Variants in TBC1D2 observed in about 807,000 individuals in gnomAD.
TBC1D2 encodes TBC1 domain family member 2A.
Under a neutral mutation model 91.1 loss-of-function variants are expected in TBC1D2, and 58 were observed. The ratio of observed to expected loss-of-function variants is 0.64; its 90% CI spans 0.52 to 0.79. The LOEUF is 0.79. Among genes scored for constraint, TBC1D2 ranks in the 30% least tolerant of loss-of-function variants. The probability of loss-of-function intolerance (pLI) is 0.00; values close to 1 mark genes in which losing one functional copy is unlikely to be tolerated. For missense variants in TBC1D2, 1,080 were observed against 1,208.3 expected, an observed-to-expected ratio of 0.89 and a Z score of 1.57; for synonymous variants, 482 against 511.5, an observed-to-expected ratio of 0.94 and a Z score of 0.78.
intron 3 of TBC1D2, 87 bp downstream of exon 3, chr9:98,243,907 C>T: frequency 6.6e-7 from 1 of 1,524,200 alleles, no homozygotes; most frequent in Non-Finnish European, 8.9e-7. Flanking sequence ...CGGGGCCCAT[C>T]TCCCTGCAGG....
At chr9:98,244,765 C>T (rs1193164195) in intron 2 of TBC1D2, among the ~76,000 whole-genome samples, 2 of 151,044 alleles carry the variant, frequency 1.3e-5, no homozygotes, top group South Asian at 2.1e-4. Flanking sequence ...CCAAGAGGTT[C>T]GTTCCTTCTA....
At chr9:98,233,660 C>T in intron 3 of TBC1D2, 111 bp from the exon 4 acceptor site, 16 of 1,495,030 alleles carry the variant, frequency 1.1e-5, no homozygotes, top group Non-Finnish European at 1.4e-5. Context: ...ACCCTGTCAT[C>T]CTGACTGGTC....
chr9:98,227,137 C>A (rs180989143), intron 5 of TBC1D2, among the ~76,000 whole-genome samples: 8 of 152,224 alleles, frequency 5.3e-5, no homozygotes, highest in African/African-American at 1.9e-4. Flanking sequence ...CTCTCAGGAG[C>A]GTCCAGCAGC....
chr9:98,253,155 G>A (rs1563993171), intron 1 of TBC1D2, among the ~76,000 whole-genome samples: 6 of 152,134 alleles, frequency 3.9e-5, no homozygotes, highest in Admixed American at 3.3e-4. Flanking sequence ...ACTGAATACA[G>A]GGGTGAGCCA....
intron 8 of TBC1D2, among the ~76,000 whole-genome samples, chr9:98,209,597 C>T (rs1457954934): frequency 2.6e-5 from 4 of 152,142 alleles, no homozygotes; most frequent in African/African-American, 7.2e-5. Flanking sequence ...GCTGGGGACC[C>T]GTTCCAGAAG....
intron 4 of TBC1D2, among the ~76,000 whole-genome samples, chr9:98,231,854 T>G (rs920274740): frequency 7.9e-5 from 12 of 152,180 alleles, no homozygotes; most frequent in African/African-American, 1.7e-4. Flanking sequence ...CAGATGAAAC[T>G]TGAAAAGATT....
At chr9:98,242,200 G>A (rs1829654801) in intron 3 of TBC1D2, among the ~76,000 whole-genome samples, 1 of 152,026 alleles carries the variant, frequency 6.6e-6, no homozygotes, top group Non-Finnish European at 1.5e-5. Flanking sequence ...CCAGCACTTT[G>A]GGAGGCCGAG....
rs763373775 is a variant in TBC1D2, at chr9:98,255,581, G to C, written c.-40C>G. ...GACTGCGGAGGGACGAGGGGTCCGC[G>C]GGACCACCAGGGACAAATCTCGGAG... On this transcript the variant is annotated 5_prime_UTR_variant, in exon 1 of 13. Coordinates refer to ENST00000465784, the MANE Select transcript of TBC1D2 (RefSeq NM_001267571.2). The C allele has an allele frequency of 2.7e-6, 4 of 1,455,778 alleles. No individual in the cohort carries two copies. Among genetic ancestry groups the C allele is most frequent in the Non-Finnish European group, 3.6e-6 (4 of 1,108,164 alleles). 90.2% of individuals were successfully genotyped at this position (1,455,778 alleles called of 1,614,324 possible).
intron 9 of TBC1D2, 65 bp downstream of exon 9, chr9:98,208,603 T>C (rs1358087726): frequency 1.4e-6 from 2 of 1,475,684 alleles, no homozygotes; most frequent in East Asian, 2.3e-5. Flanking sequence ...GTCCACAGTC[T>C]GAGGGTTGGG....
intron 9 of TBC1D2, among the ~76,000 whole-genome samples, chr9:98,207,110 C>T (rs565145149): frequency 9.2e-5 from 14 of 152,256 alleles, no homozygotes; most frequent in African/African-American, 2.2e-4. Context: ...AAGGAGGCTT[C>T]GACTGAGAGG....
At chr9:98,203,499 G>A in intron 9 of TBC1D2, 91 bp from the exon 10 acceptor site, 2 of 1,553,424 alleles carry the variant, frequency 1.3e-6, no homozygotes, top group East Asian at 4.5e-5. Context: ...GTTCCAGGGG[G>A]AAAGTCCTTC....
At position 98,199,080 on chromosome 9, in the gene TBC1D2, G is replaced by A. The variant is rs991757476; in HGVS notation, c.*301C>T. Reference sequence around the variant, plus strand: ...TTTATATTGATATAACCTAGAGAATGTTCCAGGTTACCCTATAGAGGCAGT... The same window carrying A: ...TTTATATTGATATAACCTAGAGAATATTCCAGGTTACCCTATAGAGGCAGT... On this transcript the variant is annotated 3_prime_UTR_variant, in exon 13 of 13. Coordinates refer to ENST00000465784, the MANE Select transcript of TBC1D2 (RefSeq NM_001267571.2). The A allele has an allele frequency of 2.5e-5, 14 of 550,286 alleles. No homozygotes were observed. The highest frequency in any genetic ancestry group is 4.4e-5 in the South Asian group (2 of 45,656). The allele number at this position is 550,286 out of a possible 1,614,324, so 34.1% of individuals were successfully genotyped here. A position where few individuals can be genotyped will look rare whatever the true frequency, so the allele number is the denominator to read the frequency against.
intron 1 of TBC1D2, 107 bp from the exon 2 acceptor site, chr9:98,252,033 G>T: frequency 8.0e-7 from 1 of 1,248,110 alleles, no homozygotes; most frequent in Non-Finnish European, 1.1e-6. Context: ...TCTTTCCCAG[G>T]AAAAAAAAAA....
intron 1 of TBC1D2, 58 bp from the exon 2 acceptor site, chr9:98,251,984 C>G: frequency 6.5e-7 from 1 of 1,541,886 alleles, no homozygotes; most frequent in East Asian, 2.5e-5. Context: ...GCACTGGGTG[C>G]AGGAAGAGGG....
In TBC1D2 at chr9:98,255,453, G is replaced by A. The variant is rs150927921; in HGVS notation, c.89C>T (p.Pro30Leu). ...GGCGCAGTCCCCCGATTCTTCCTCC[G>A]GAGGCGGCACCTGTGGATCCCTGGC... ...ESARDPQVPP[P>L]EEESGDCARS... The change falls in exon 1 of 13, where the codon CCG becomes CTG. Residue 30 changes from proline (P) to leucine (L), a missense_variant. Pro to Leu is a moderately conservative substitution (Grantham distance 98, BLOSUM62 -3). Transcript: ENST00000465784. 6.3e-7 allele frequency: 1 copy of A among 1,599,710 alleles called. No individual in the cohort carries two copies. Among genetic ancestry groups the A allele is most frequent in the Non-Finnish European group, 8.5e-7 (1 of 1,171,132 alleles).
At chr9:98,238,338 A>G (rs1454663554) in intron 3 of TBC1D2, among the ~76,000 whole-genome samples, 1 of 136,952 alleles carries the variant, frequency 7.3e-6, no homozygotes, top group African/African-American at 3.6e-5. Context: ...TAAATATTTA[A>G]TTCTTTTTCT....
Position 98,203,290 on chromosome 9 carries a change from G to A in TBC1D2, c.2269C>T (p.Gln757Ter). The A allele has an allele frequency of 6.2e-7, 1 of 1,614,192 alleles. No individual in the cohort carries two copies. The highest frequency in any genetic ancestry group is 8.5e-7 in the Non-Finnish European group (1 of 1,180,028). The change falls in exon 10 of 13, where the codon CAG (glutamine) becomes TAG (stop). Residue 757 changes from glutamine (Q) to a stop codon, truncating the protein, a stop_gained and splice_region_variant. Transcript: ENST00000465784. LOFTEE classifies it high-confidence loss of function. ...DYYCNTLTAS[Q>*]VDQRVLQDLL... The stretch of plus-strand genomic sequence containing the variant: ...AGTCCCCTCCTGGCCCCACTTACCT[G>A]GGATGCCGTCAGCGTGTTGCAGTAG...
At chr9:98,252,277 C>T (rs569901478) in intron 1 of TBC1D2, among the ~76,000 whole-genome samples, 39 of 152,144 alleles carry the variant, frequency 2.6e-4, no homozygotes, top group Admixed American at 7.9e-4. Flanking sequence ...AATTTGGAGG[C>T]GCTGTGAGAG....
intron 9 of TBC1D2, among the ~76,000 whole-genome samples, chr9:98,207,168 C>T (rs1828676100): frequency 6.6e-6 from 1 of 152,196 alleles, no homozygotes; most frequent in Admixed American, 6.5e-5. Context: ...TGTACATACA[C>T]ATGCTCAATT....
Sources: allele counts gnomAD v4.1 joint callset (sites outside exome capture counted in the v4.1 genomes callset), GRCh38; gene constraint gnomAD v4.1.1; transcripts MANE v1.5; gene names NCBI Gene and HGNC (gene_info 2026-07-23, HGNC 2026-07-21).